PEDS1: variants seen among roughly 807,000 people sequenced by gnomAD.
The protein encoded by PEDS1 is plasmanylethanolamine desaturase 1.
In PEDS1, 14 loss-of-function variants were observed where a neutral mutation model predicts 35.2. The observed-to-expected ratio is 0.40, with a 90% CI of 0.26 to 0.62. PEDS1 has a LOEUF of 0.62. Ranked by LOEUF, PEDS1 falls within the 20% of genes least tolerant of loss-of-function variation. The pLI, the probability that PEDS1 is intolerant of heterozygous loss-of-function variation, is 0.44. For missense variants in PEDS1, 260 were observed against 367.8 expected, an observed-to-expected ratio of 0.71 and a Z score of 2.40; for synonymous variants, 152 against 152.0, an observed-to-expected ratio of 1.00 and a Z score of 0.00.
In PEDS1 at chr20:50,129,702, G is replaced by T. The variant is rs750774323; in HGVS notation, c.334-12C>A. Reference sequence around the variant, plus strand: ...GGTCGGATGAAAGCCTGGAGTTGAGGGGGACACAGCCCCAGCAGTCAGCCT... The same window carrying T: ...GGTCGGATGAAAGCCTGGAGTTGAGTGGGACACAGCCCCAGCAGTCAGCCT... On this transcript the variant is annotated splice_polypyrimidine_tract_variant and intron_variant, in intron 3 of 5. Transcript: ENST00000371652. This position sits in a 1 kb window ranked among gnomAD's most constrained non-coding sequence, Gnocchi z 4.2. 1 of 1,613,486 alleles carries T rather than the reference G, an allele frequency of 6.2e-7. No individual in the cohort carries two copies. Among genetic ancestry groups the T allele is most frequent in the Non-Finnish European group, 8.5e-7 (1 of 1,179,972 alleles).
intron 1 of PEDS1, among the ~76,000 whole-genome samples, chr20:50,151,015 T>G (rs1399347519): frequency 1.3e-5 from 2 of 152,148 alleles, no homozygotes; most frequent in Non-Finnish European, 2.9e-5. Context: ...TTTTTCTGTC[T>G]TGTTCACCAT....
At chr20:50,131,185 A>G in intron 2 of PEDS1, 2 of 945,974 alleles carry the variant, frequency 2.1e-6, no homozygotes, top group East Asian at 2.6e-5. Context: ...TGGAGAGCAT[A>G]AACTGGGCAT....
chr20:50,128,228 C>T lies in PEDS1; in HGVS notation c.479-41G>A, dbSNP rs772938906. The T allele has an allele frequency of 8.7e-6, 14 of 1,609,152 alleles. No homozygotes were observed. The Admixed American group carries it at 1.0e-4, about 12-fold the overall frequency. On this transcript the variant is annotated intron_variant, in intron 4 of 5. Transcript: ENST00000371652. This position sits in a 1 kb window ranked among gnomAD's most constrained non-coding sequence, Gnocchi z 5.2. ...AGGGGGGGCCGGCACAGCTGTCACT[C>T]GGGACGGGGAACCCACCCCAAATGG...
At chr20:50,151,237 C>T in intron 1 of PEDS1, 7 of 1,304,192 alleles carry the variant, frequency 5.4e-6, no homozygotes, top group Non-Finnish European at 7.1e-6. Context: ...AGATAAAGGG[C>T]CTTGATTGCA....
At chr20:50,127,845 T>C in intron 5 of PEDS1, 130 bp downstream of exon 5, 1 of 1,301,848 alleles carries the variant, frequency 7.7e-7, no homozygotes, top group Non-Finnish European at 1.1e-6. Flanking sequence ...AATAAATGCA[T>C]GACCTGAGAG....
Position 50,124,820 on chromosome 20 carries a change from G to T in PEDS1, c.*238C>A. The T allele has an allele frequency of 4.4e-6, 2 of 458,896 alleles. No individual in the cohort carries two copies. The highest frequency in any genetic ancestry group is 7.9e-6 in the Non-Finnish European group (2 of 252,634). The allele number at this position is 458,896 out of a possible 1,614,324, so 28.4% of individuals were successfully genotyped here. ...TACCAGGGGAGGCTGGCAGAGTCAG[G>T]CTTGCAGATAGAGCAACTCAGGTGG... On this transcript the variant is annotated 3_prime_UTR_variant, in exon 6 of 6. Coordinates refer to ENST00000371652, the MANE Select transcript of PEDS1 (RefSeq NM_199129.4).
intron 2 of PEDS1, among the ~76,000 whole-genome samples, chr20:50,139,270 C>T (rs949360000): frequency 1.3e-5 from 2 of 152,158 alleles, no homozygotes; most frequent in Non-Finnish European, 2.9e-5. Context: ...CAAACACTTC[C>T]TCCCCCTTCT....
intron 2 of PEDS1, among the ~76,000 whole-genome samples, chr20:50,141,123 C>A (rs771912334): frequency 2.5e-4 from 38 of 152,212 alleles, no homozygotes; most frequent in Admixed American, 2.0e-4. Flanking sequence ...CCCGTAGAGG[C>A]CTGAAACAGC....
intron 5 of PEDS1, among the ~76,000 whole-genome samples, chr20:50,126,409 C>T (rs2147267831): frequency 6.6e-6 from 1 of 152,296 alleles, no homozygotes. Context: ...TCTAATCCCT[C>T]CACCTGCCTT....
chr20:50,151,219 T>G, intron 1 of PEDS1: 1 of 1,302,008 alleles, frequency 7.7e-7, no homozygotes, highest in Non-Finnish European at 1.0e-6. Context: ...TACCTCCAGG[T>G]CTGGAGGAGA....
chr20:50,130,822 C>T (rs2081170606), intron 3 of PEDS1, 34 bp downstream of exon 3: 4 of 1,613,124 alleles, frequency 2.5e-6, no homozygotes, highest in Non-Finnish European at 3.4e-6. Flanking sequence ...GCCCAACCTC[C>T]TTCTTGAGGA....
At chr20:50,130,188 G>C (rs756117163) in intron 3 of PEDS1, among the ~76,000 whole-genome samples, 2 of 152,184 alleles carry the variant, frequency 1.3e-5, no homozygotes, top group African/African-American at 4.8e-5. Context: ...CTGCCTGAGG[G>C]CCCAGCACGT....
At chr20:50,131,599 G>A (rs1372787206) in intron 2 of PEDS1, among the ~76,000 whole-genome samples, 1 of 151,642 alleles carries the variant, frequency 6.6e-6, no homozygotes, top group Non-Finnish European at 1.5e-5. Context: ...TCCAGCGTGG[G>A]TGACAGAGTG....
rs115074391 is a variant in PEDS1, at chr20:50,140,972, C to T, written c.241+2530G>A. Among the ~76,000 whole-genome samples the T allele has an allele frequency of 1.6e-3, 243 of 152,302 alleles. 1 individual carries two copies. The highest frequency in any genetic ancestry group is 5.6e-3 in the African/African-American group (234 of 41,560). On this transcript the variant is annotated intron_variant, in intron 2 of 5. Transcript: ENST00000371652. The stretch of plus-strand genomic sequence containing the variant: ...GGATGGGGAAGCTGGTGCTGTGCAG[C>T]CTCGAAAGCCAGAGATTTCCTGGGC...
intron 2 of PEDS1, among the ~76,000 whole-genome samples, chr20:50,133,309 G>A (rs1324315551): frequency 6.6e-6 from 1 of 152,130 alleles, no homozygotes; most frequent in Non-Finnish European, 1.5e-5. Context: ...GGGGGTGGGG[G>A]CAGCACAGCT....
At position 50,120,433 on chromosome 20, in the gene PEDS1, T is replaced by C. The variant is rs2081041228; in HGVS notation, c.*4625A>G. 6.5e-6 allele frequency: 1 copy of C among 153,428 alleles called. No homozygotes were observed. 9.5% of individuals were successfully genotyped at this position (153,428 alleles called of 1,614,324 possible). A position where few individuals can be genotyped will look rare whatever the true frequency, so the allele number is the denominator to read the frequency against. ...TGTACCCGGCGTGATTCTTATTCTT[T>C]ACCTATGCAAGCATTACCTATTGCT... On this transcript the variant is annotated 3_prime_UTR_variant, in exon 6 of 6. Coordinates refer to ENST00000371652, the MANE Select transcript of PEDS1 (RefSeq NM_199129.4).
rs1224389990 is a variant in PEDS1 at position 50,120,981 on chromosome 20, T to C, written c.*4077A>G. On this transcript the variant is annotated 3_prime_UTR_variant, in exon 6 of 6. Coordinates refer to ENST00000371652, the MANE Select transcript of PEDS1 (RefSeq NM_199129.4). ...CTCCCCCGGTTGAGCTGGAAATCCATGTTTGCCCTGCATGCCACTACCCTG... is the reference window on the plus strand; with the variant it reads ...CTCCCCCGGTTGAGCTGGAAATCCACGTTTGCCCTGCATGCCACTACCCTG... The C allele has an allele frequency of 6.8e-6, 1 of 147,072 alleles. No individual in the cohort carries two copies. Among genetic ancestry groups the C allele is most frequent in the Non-Finnish European group, 1.5e-5 (1 of 68,116 alleles). 9.1% of individuals were successfully genotyped at this position (147,072 alleles called of 1,614,324 possible). A position where few individuals can be genotyped will look rare whatever the true frequency, so the allele number is the denominator to read the frequency against.
At chr20:50,149,404 C>T (rs1455178926) in intron 1 of PEDS1, among the ~76,000 whole-genome samples, 2 of 152,166 alleles carry the variant, frequency 1.3e-5, no homozygotes, top group African/African-American at 4.8e-5. Context: ...AGAAGTAGCA[C>T]ACACATGGCC....
chr20:50,129,566 T>G lies in PEDS1; in HGVS notation c.458A>C (p.Lys153Thr). ...TLLPLLNMAY[K>T]FRTHSPEALE... ...CTCACCAGGGCTGTGGGTGCGGAAC[T>G]TGTAGGCCATGTTTAGCAGCGGCAG... The change falls in exon 4 of 6, where the codon AAG becomes ACG. Residue 153 changes from lysine to threonine, a missense_variant. By Grantham distance (78) the Lys-to-Thr change is moderately conservative. This residue lies in a region of PEDS1 where 29 missense variants were observed against 21.5 expected (regional missense o/e 1.35). Coordinates refer to ENST00000371652, the MANE Select transcript of PEDS1 (RefSeq NM_199129.4). The surrounding 1 kb of genome is among the most constrained non-coding windows in gnomAD (Gnocchi z 4.2). 1 of 1,614,098 alleles carries G rather than the reference T, an allele frequency of 6.2e-7. No individual in the cohort carries two copies. Among genetic ancestry groups the G allele is most frequent in the Non-Finnish European group, 8.5e-7 (1 of 1,180,000 alleles).
Sources: gnomAD v4.1 joint callset for allele counts (sites outside exome capture counted in the v4.1 genomes callset) on GRCh38, gnomAD v4.1.1 for gene constraint, gnomAD v4.1.1 regional missense constraint, Gnocchi (gnomAD v3.1) non-coding constraint, MANE v1.5 for transcripts, NCBI Gene and HGNC (gene_info 2026-07-23, HGNC 2026-07-21) for gene names.